The following WWOX variants were observed in gnomAD, a reference collection of about 807,000 sequenced individuals.
WWOX encodes WW domain containing oxidoreductase.
A neutral mutation model predicts 46.2 loss-of-function variants in WWOX; 69 were observed. The ratio of observed to expected loss-of-function variants is 1.49; its 90% CI spans 1.23 to 1.82. The LOEUF is 1.82. Among genes scored for constraint, WWOX ranks in the 40% most tolerant of loss-of-function variants. The pLI is 0.00. For synonymous variants in WWOX, 359 were observed against 202.6 expected (o/e 1.77, Z -6.56); for missense variants, 919 against 542.6 (o/e 1.69, Z -6.89).
intron 8 of WWOX, among the ~76,000 whole-genome samples, chr16:78,774,891 G>C (rs1303301551): frequency 1.3e-5 from 2 of 152,196 alleles, no homozygotes; most frequent in East Asian, 3.9e-4. Context: ...AGAGCACTAA[G>C]ACAGATGGAA....
At chr16:78,779,093 TTC>T (rs68052756) in intron 8 of WWOX, among the ~76,000 whole-genome samples, 42,434 of 152,062 alleles carry the variant, frequency 0.28, 6,312 homozygotes, top group South Asian at 0.36. Flanking sequence ...TCGCCTAAAA[TTC>T]TCTCTTCTAC....
intron 8 of WWOX, among the ~76,000 whole-genome samples, chr16:79,001,356 G>A (rs1021984807): frequency 1.4e-4 from 21 of 151,968 alleles, no homozygotes; most frequent in African/African-American, 5.1e-4. Flanking sequence ...TTTCTTTAAG[G>A]GATGCTGTTG....
intron 5 of WWOX, among the ~76,000 whole-genome samples, chr16:78,258,201 C>CA (rs1420517031): frequency 3.0e-4 from 46 of 152,212 alleles, no homozygotes; most frequent in African/African-American, 1.0e-3. Flanking sequence ...GCCACTTGTA[C>CA]AAAAACAAAC....
At chr16:78,850,035 G>A (rs1022377492) in intron 8 of WWOX, among the ~76,000 whole-genome samples, 2 of 151,906 alleles carry the variant, frequency 1.3e-5, no homozygotes, top group Admixed American at 1.3e-4. Context: ...CAATGCCATT[G>A]CACTCCAGCC....
At chr16:78,809,086 C>T (rs550694569) in intron 8 of WWOX, among the ~76,000 whole-genome samples, 1 of 152,188 alleles carries the variant, frequency 6.6e-6, no homozygotes, top group Admixed American at 6.5e-5. Context: ...ACTGAGGACA[C>T]ACGGCGTTCT....
chr16:78,975,972 C>T (rs995292966), intron 8 of WWOX, among the ~76,000 whole-genome samples: 8 of 152,146 alleles, frequency 5.3e-5, no homozygotes, highest in Non-Finnish European at 8.8e-5. Context: ...TTTTAGTTGC[C>T]GGTGCTTGGA....
chr16:78,510,015 T>C (rs920708390), intron 8 of WWOX, among the ~76,000 whole-genome samples: 1 of 151,964 alleles, frequency 6.6e-6, no homozygotes, highest in Non-Finnish European at 1.5e-5. Flanking sequence ...CGAGCCATGA[T>C]TGTGCCACTG....
At chr16:79,001,824 G>C (rs550967277) in intron 8 of WWOX, among the ~76,000 whole-genome samples, 2 of 152,202 alleles carry the variant, frequency 1.3e-5, no homozygotes, top group East Asian at 3.9e-4. Flanking sequence ...TTAGAGAGGT[G>C]CTTATGTAAT....
chr16:79,023,103 G>C (rs1452981061), intron 8 of WWOX, among the ~76,000 whole-genome samples: 1 of 152,038 alleles, frequency 6.6e-6, no homozygotes, highest in East Asian at 1.9e-4. Flanking sequence ...TCATGTTCAA[G>C]TCTGTATTTG....
rs1350985745 is a variant in WWOX at position 78,349,850 on chromosome 16, T to C, written c.517-37010T>C. ...GACTCAACTTTGAGCTATATTGATT[T>C]TGTATTTCTGGGCTCAGCTTTTGAC... is the stretch of plus-strand genomic sequence containing the variant. On this transcript the variant is annotated intron_variant, in intron 5 of 8. Transcript: ENST00000566780. Among the ~76,000 whole-genome samples the C allele has an allele frequency of 1.7e-5, 2 of 121,084 alleles. 1 individual carries two copies. Among genetic ancestry groups the C allele is most frequent in the African/African-American group, 5.6e-5 (2 of 35,740 alleles). The allele number at this position is 121,084 out of a possible 152,430, so 79.4% of individuals were successfully genotyped here.
At chr16:78,883,946 T>A (rs1229926289) in intron 8 of WWOX, among the ~76,000 whole-genome samples, 1 of 152,084 alleles carries the variant, frequency 6.6e-6, no homozygotes, top group Non-Finnish European at 1.5e-5. Context: ...AAGACTTGAT[T>A]TACATAGGAT....
intron 8 of WWOX, among the ~76,000 whole-genome samples, chr16:78,959,470 C>G (rs2046231778): frequency 6.6e-6 from 1 of 152,198 alleles, no homozygotes; most frequent in African/African-American, 2.4e-5. Flanking sequence ...AAAACCTTCA[C>G]AGGGTTAGCC....
intron 8 of WWOX, among the ~76,000 whole-genome samples, chr16:79,119,647 C>T (rs139058775): frequency 3.9e-5 from 6 of 152,308 alleles, no homozygotes; most frequent in African/African-American, 1.2e-4. Context: ...GCAAATGGTC[C>T]AGCCACGAAG....
intron 8 of WWOX, among the ~76,000 whole-genome samples, chr16:78,727,504 G>A (rs924550726): frequency 6.6e-6 from 1 of 152,160 alleles, no homozygotes; most frequent in Non-Finnish European, 1.5e-5. Flanking sequence ...AGCCCATAGC[G>A]AGTCCCAGTG....
At chr16:78,426,678 T>G (rs1328783929) in intron 7 of WWOX, among the ~76,000 whole-genome samples, 3 of 152,158 alleles carry the variant, frequency 2.0e-5, no homozygotes, top group Admixed American at 6.5e-5. Context: ...CTGTTATTAT[T>G]ATTTGACATG....
chr16:78,797,900 A>G (rs1217780491), intron 8 of WWOX, among the ~76,000 whole-genome samples: 1 of 152,160 alleles, frequency 6.6e-6, no homozygotes, highest in Non-Finnish European at 1.5e-5. Context: ...ACATGGGAGG[A>G]TTGATTGAGC....
chr16:79,102,582 C>G (rs527994151), intron 8 of WWOX, among the ~76,000 whole-genome samples: 9 of 152,186 alleles, frequency 5.9e-5, no homozygotes, highest in Admixed American at 3.3e-4. Flanking sequence ...ATATAGCAAA[C>G]GGGTAGAAGA....
At chr16:78,611,338 T>A (rs1433862806) in intron 8 of WWOX, among the ~76,000 whole-genome samples, 1 of 152,168 alleles carries the variant, frequency 6.6e-6, no homozygotes, top group Non-Finnish European at 1.5e-5. Context: ...AATACAAAAA[T>A]AACAAAACTA....
intron 8 of WWOX, among the ~76,000 whole-genome samples, chr16:78,758,252 C>A (rs1597560631): frequency 6.6e-6 from 1 of 152,086 alleles, no homozygotes; most frequent in Non-Finnish European, 1.5e-5. Context: ...TTCCATGTAG[C>A]TATTATTACC....
Sources: gnomAD v4.1 joint callset for allele counts (sites outside exome capture counted in the v4.1 genomes callset) on GRCh38, gnomAD v4.1.1 for gene constraint, MANE v1.5 for transcripts, NCBI Gene and HGNC (gene_info 2026-07-23, HGNC 2026-07-21) for gene names.